The following DIS3L variants were observed in gnomAD, a reference collection of about 807,000 sequenced individuals.
DIS3L encodes DIS3 like exosome 3'-5' exoribonuclease.
Under a neutral mutation model 120.3 loss-of-function variants are expected in DIS3L, and 100 were observed. The ratio of observed to expected loss-of-function variants is 0.83; its 90% CI spans 0.71 to 0.98. The LOEUF (loss-of-function observed/expected upper bound fraction) is 0.98. Among genes scored for constraint, DIS3L ranks in the 50% least tolerant of loss-of-function variants. DIS3L has a pLI of 0.00. For synonymous variants in DIS3L, 426 were observed against 470.6 expected, an observed-to-expected ratio of 0.91 and a Z score of 1.23; for missense variants, 1,196 against 1,314.2, an observed-to-expected ratio of 0.91 and a Z score of 1.39.
intron 2 of DIS3L, among the ~76,000 whole-genome samples, chr15:66,298,493 G>A (rs926632359): frequency 2.6e-5 from 4 of 152,148 alleles, no homozygotes; most frequent in South Asian, 2.1e-4. Flanking sequence ...ATTATTCAAC[G>A]TGACAGATAA....
chr15:66,313,028 G>T (rs906512367), intron 5 of DIS3L, among the ~76,000 whole-genome samples: 1 of 151,364 alleles, frequency 6.6e-6, no homozygotes, highest in Admixed American at 6.6e-5. Flanking sequence ...ACCCAGTCTC[G>T]TTCTATCACC....
chr15:66,314,540 A>T (rs1325836745), intron 6 of DIS3L, among the ~76,000 whole-genome samples: 1 of 152,172 alleles, frequency 6.6e-6, no homozygotes. Flanking sequence ...TAGTTCTGTA[A>T]TGACAGGGTG....
intron 7 of DIS3L, among the ~76,000 whole-genome samples, chr15:66,315,935 C>T (rs1249391885): frequency 6.6e-6 from 1 of 152,166 alleles, no homozygotes; most frequent in Non-Finnish European, 1.5e-5. Context: ...TGGGTCTCCT[C>T]CCAGTTCTCC....
chr15:66,312,209 T>TAA (rs535749569), intron 5 of DIS3L, among the ~76,000 whole-genome samples: 3 of 121,332 alleles, frequency 2.5e-5, no homozygotes, highest in Admixed American at 8.5e-5. Context: ...CTGTCTCAAT[T>TAA]AAAAAAAAAA....
chr15:66,302,437 A>G (rs780387061), intron 2 of DIS3L, among the ~76,000 whole-genome samples: 4 of 152,218 alleles, frequency 2.6e-5, no homozygotes, highest in Non-Finnish European at 4.4e-5. Flanking sequence ...AGTGATGTCT[A>G]TGAAGCTTAG....
In DIS3L at chr15:66,329,997, A is replaced by C. The variant is rs541340732; in HGVS notation, c.2535+598A>C. ...ACAATTAATGATTCTAGACACTGCTAACATTTTTATTTATAAAAATATCGG... is the reference window on the plus strand; with the variant it reads ...ACAATTAATGATTCTAGACACTGCTCACATTTTTATTTATAAAAATATCGG... On this transcript the variant is annotated intron_variant, in intron 14 of 16. Coordinates refer to ENST00000319212, the MANE Select transcript of DIS3L (RefSeq NM_001143688.3). 11 of 985,272 alleles carry C rather than the reference A, an allele frequency of 1.1e-5. No individual in the cohort carries two copies. In the African/African-American group the frequency reaches 1.7e-4, roughly 16 times the overall value. The allele number at this position is 985,272 out of a possible 1,614,324, so 61.0% of individuals were successfully genotyped here.
chr15:66,324,117 A>C (rs933635409), intron 11 of DIS3L, among the ~76,000 whole-genome samples: 6 of 152,220 alleles, frequency 3.9e-5, no homozygotes, highest in Non-Finnish European at 7.3e-5. Flanking sequence ...TAATACATAC[A>C]TGAATATGCA....
rs2092558205 is a variant in DIS3L, at chr15:66,294,149, T to C, written c.139+414T>C. The C allele has an allele frequency of 1.8e-5, 18 of 985,602 alleles. 1 individual carries two copies. The African/African-American group carries it at 2.1e-4, about 11-fold the overall frequency. 61.1% of individuals were successfully genotyped at this position (985,602 alleles called of 1,614,324 possible). A position where few individuals can be genotyped will look rare whatever the true frequency, so the allele number is the denominator to read the frequency against. On this transcript the variant is annotated intron_variant, in intron 1 of 16. Coordinates refer to ENST00000319212, the MANE Select transcript of DIS3L (RefSeq NM_001143688.3). ...AGGCCAGCTGCTGCCGCTGCGAAGCTGACATCGCCTGCTTTGCAGCCACAG... is the reference window on the plus strand; with the variant it reads ...AGGCCAGCTGCTGCCGCTGCGAAGCCGACATCGCCTGCTTTGCAGCCACAG...
At chr15:66,329,594 ATT>A in intron 14 of DIS3L, 195 bp downstream of exon 14, 23 of 1,018,938 alleles carry the variant, frequency 2.3e-5, no homozygotes, top group East Asian at 1.1e-4. Flanking sequence ...AGATTATCAG[ATT>A]TTTTTTTTTC....
intron 11 of DIS3L, among the ~76,000 whole-genome samples, chr15:66,325,039 T>C (rs942016051): frequency 3.3e-5 from 5 of 152,202 alleles, no homozygotes; most frequent in Non-Finnish European, 7.3e-5. Context: ...TTGCAAGACT[T>C]TGCTCTAATT....
rs776486076 is a variant in DIS3L, at chr15:66,308,757, G to T, written c.471G>T (p.Arg157Ser). ...GGTACTATCATCACTGCCAGGACAG[G>T]ATGCCAATTGTTATGGTGACAGAAG... The part of the protein sequence containing the change: ...AVWYYHHCQD[R>S]MPIVMVTEDE... Residue 157 changes from arginine to serine, a missense_variant, in exon 4 of 17, where the codon AGG (arginine) becomes AGT (serine). Transcript: ENST00000319212. The T allele has an allele frequency of 1.2e-6, 2 of 1,613,632 alleles. No homozygotes were observed. Among genetic ancestry groups the T allele is most frequent in the South Asian group, 2.2e-5 (2 of 91,026 alleles).
rs1188081647 is a variant in DIS3L, at chr15:66,306,964, A to G, written c.422+12A>G. The G allele has an allele frequency of 5.0e-6, 8 of 1,613,242 alleles. No homozygotes were observed. The highest frequency in any genetic ancestry group is 5.9e-6 in the Non-Finnish European group (7 of 1,179,418). On this transcript the variant is annotated intron_variant, in intron 3 of 16. Transcript: ENST00000319212. ...AAGTGGCAGACCAGGTATGGCCCTGACTTGCTGCTGTTTTCACACTGTCGT... is the reference window on the plus strand; with the variant it reads ...AAGTGGCAGACCAGGTATGGCCCTGGCTTGCTGCTGTTTTCACACTGTCGT...
At chr15:66,295,815 A>G (rs1018787150) in intron 2 of DIS3L, among the ~76,000 whole-genome samples, 2 of 152,222 alleles carry the variant, frequency 1.3e-5, no homozygotes, top group Non-Finnish European at 2.9e-5. Context: ...TTAAAACTGT[A>G]TGGAAATAGC....
intron 1 of DIS3L, chr15:66,294,391 A>G: frequency 5.1e-6 from 5 of 985,566 alleles, no homozygotes; most frequent in Non-Finnish European, 6.0e-6. Flanking sequence ...GGAGGATGAG[A>G]ATGGGCTGGG....
chr15:66,298,840 A>G (rs1477515844), intron 2 of DIS3L, among the ~76,000 whole-genome samples: 2 of 152,262 alleles, frequency 1.3e-5, no homozygotes, highest in Admixed American at 6.5e-5. Context: ...CCAAGAGACT[A>G]TATGTGCCAG....
intron 9 of DIS3L, 74 bp from the exon 10 acceptor site, chr15:66,322,613 T>G: frequency 6.3e-5 from 99 of 1,572,576 alleles, no homozygotes; most frequent in Middle Eastern, 1.7e-4. Flanking sequence ...GTGGTCATAC[T>G]GAGAATATTA....
intron 14 of DIS3L, 35 bp downstream of exon 14, chr15:66,329,434 T>C: frequency 6.3e-7 from 1 of 1,578,010 alleles, no homozygotes; most frequent in Non-Finnish European, 8.6e-7. Flanking sequence ...TTACCTGTCA[T>C]CTCTTGCTAA....
At chr15:66,330,550 C>G (rs1197948728) in intron 14 of DIS3L, 1 of 984,482 alleles carries the variant, frequency 1.0e-6, no homozygotes, top group African/African-American at 1.7e-5. Context: ...TGTTGTAGCA[C>G]TAGCCATGTG....
At position 66,295,155 on chromosome 15, in the gene DIS3L, A is replaced by G. The variant is rs2092572748; in HGVS notation, c.293+14A>G. 6.2e-7 allele frequency: 1 copy of G among 1,611,434 alleles called. No individual in the cohort carries two copies. Among genetic ancestry groups the G allele is most frequent in the Admixed American group, 1.7e-5 (1 of 59,810 alleles). On this transcript the variant is annotated intron_variant, in intron 2 of 16. Transcript: ENST00000319212. ...AAGAGGCAGGAGGTATACGTTTTGC[A>G]TTCTTTATTTCTATATGGCATAGGT...
Sources: gnomAD v4.1 joint callset for allele counts (sites outside exome capture counted in the v4.1 genomes callset) on GRCh38, gnomAD v4.1.1 for gene constraint, MANE v1.5 for transcripts, NCBI Gene and HGNC (gene_info 2026-07-23, HGNC 2026-07-21) for gene names.